Variants in IQCE observed in about 807,000 individuals in gnomAD.
IQCE encodes IQ domain-containing protein E.
Under a neutral mutation model 96.0 loss-of-function variants are expected in IQCE, and 115 were observed. The ratio of observed to expected loss-of-function variants is 1.20; its 90% CI spans 1.03 to 1.40. The LOEUF (loss-of-function observed/expected upper bound fraction) is 1.40. Ranked by LOEUF, IQCE falls within the 40% of genes most tolerant of loss-of-function variation. The probability of loss-of-function intolerance (pLI) is 0.00; values close to 1 mark genes in which losing one functional copy is unlikely to be tolerated. For missense variants in IQCE, 1,041 were observed against 909.1 expected, an observed-to-expected ratio of 1.15 and a Z score of -1.87; for synonymous variants, 412 against 371.2, an observed-to-expected ratio of 1.11 and a Z score of -1.26.
At position 2,607,187 on chromosome 7, in the gene IQCE, C is replaced by G; in HGVS notation, c.1929C>G (p.His643Gln). 1 of 1,613,618 alleles carries G rather than the reference C, an allele frequency of 6.2e-7. No individual in the cohort carries two copies. Among genetic ancestry groups the G allele is most frequent in the Non-Finnish European group, 8.5e-7 (1 of 1,179,788 alleles). Reference sequence around the variant, plus strand: ...GGAGGAGATCGGCTTCAGCCACACACGGGGACGCCTCCTCCCCACCCTTCC... The same window carrying G: ...GGAGGAGATCGGCTTCAGCCACACAGGGGGACGCCTCCTCCCCACCCTTCC... ...STRRRSASAT[H>Q]GDASSPPFLA... The change falls in exon 21 of 22, where the codon CAC (histidine) becomes CAG (glutamine). Residue 643 changes from histidine (H) to glutamine (Q), a missense_variant. By Grantham distance (24) the His-to-Gln change is conservative. Coordinates refer to ENST00000402050, the MANE Select transcript of IQCE (RefSeq NM_152558.5).
At chr7:2,574,376 C>G (rs927477405) in intron 6 of IQCE, among the ~76,000 whole-genome samples, 1 of 152,214 alleles carries the variant, frequency 6.6e-6, no homozygotes, top group African/African-American at 2.4e-5. Flanking sequence ...TGGTGTAGAC[C>G]ATTATACAAA....
At chr7:2,574,871 C>T (rs1001875960) in intron 6 of IQCE, among the ~76,000 whole-genome samples, 7 of 152,098 alleles carry the variant, frequency 4.6e-5, no homozygotes, top group South Asian at 2.1e-4. Flanking sequence ...CAGTTGAGCC[C>T]GTTGTTTGTT....
chr7:2,590,105 G>T lies in IQCE; in HGVS notation c.1243G>T (p.Asp415Tyr). Residue 415 changes from aspartate (D) to tyrosine (Y), a missense_variant and splice_region_variant, in exon 14 of 22, where the codon GAT becomes TAT. Transcript: ENST00000402050. ...GCTGCAGGAGCAGCTGCTGCAGAGA[G>T]AGTAGGTCCTCCCAAGGCCCCGCCA... ...TALQEQLLQR[D>Y]LEVKQLLQAK... 6.2e-7 allele frequency: 1 copy of T among 1,610,112 alleles called. No individual in the cohort carries two copies. Among genetic ancestry groups the T allele is most frequent in the African/African-American group, 1.3e-5 (1 of 74,970 alleles).
Position 2,610,053 on chromosome 7 carries a change from C to A in IQCE, c.1979C>A (p.Pro660His). The change falls in exon 22 of 22, where the codon CCC becomes CAC. Residue 660 changes from proline to histidine, a missense_variant. By Grantham distance (77) the Pro-to-His change is moderately conservative. Transcript: ENST00000402050. ...PFLAALPDPS[P>H]SGPQALAPLP... ...TGGTTCATTTCTGCAGACCCCTCTC[C>A]CTCAGGGCCACAGGCCTTGGCACCT... 6.3e-7 allele frequency: 1 copy of A among 1,592,330 alleles called. No homozygotes were observed. The highest frequency in any genetic ancestry group is 8.6e-7 in the Non-Finnish European group (1 of 1,160,230).
chr7:2,609,798 G>A (rs976983870), intron 21 of IQCE, among the ~76,000 whole-genome samples: 1 of 151,838 alleles, frequency 6.6e-6, no homozygotes, highest in Non-Finnish European at 1.5e-5. Flanking sequence ...AGGTGTGTAA[G>A]TTGGTCCTGA....
intron 5 of IQCE, chr7:2,572,856 C>T (rs1375550238): frequency 2.5e-6 from 1 of 405,530 alleles, no homozygotes; most frequent in East Asian, 7.1e-5. Context: ...TCTCTTTATC[C>T]ACGTGTTTCC....
chr7:2,560,630 A>G (rs1028096489), intron 1 of IQCE, among the ~76,000 whole-genome samples: 6 of 152,114 alleles, frequency 3.9e-5, no homozygotes, highest in Non-Finnish European at 7.4e-5. Context: ...AAAATAATTT[A>G]TGTATATTAT....
intron 8 of IQCE, among the ~76,000 whole-genome samples, chr7:2,581,365 C>T (rs1229706481): frequency 6.6e-6 from 1 of 151,904 alleles, no homozygotes; most frequent in Admixed American, 6.6e-5. Context: ...ACCACCATGC[C>T]CGGCTACTTT....
In IQCE at chr7:2,559,097, G is replaced by A; in HGVS notation, c.-85G>A. 4.9e-6 allele frequency: 4 copies of A among 822,572 alleles called. No homozygotes were observed. Among genetic ancestry groups the A allele is most frequent in the Non-Finnish European group, 6.4e-6 (4 of 624,078 alleles). 51.0% of individuals were successfully genotyped at this position (822,572 alleles called of 1,614,324 possible). On this transcript the variant is annotated 5_prime_UTR_variant, in exon 1 of 22. Coordinates refer to ENST00000402050, the MANE Select transcript of IQCE (RefSeq NM_152558.5). Reference sequence around the variant, plus strand: ...CGGCGCCAGGGAAGGCCCCGAGGCTGCGGGCGGCCAGGGCTGCCCGCGGAT... The same window carrying A: ...CGGCGCCAGGGAAGGCCCCGAGGCTACGGGCGGCCAGGGCTGCCCGCGGAT...
intron 16 of IQCE, chr7:2,597,171 G>A (rs748163980): frequency 1.9e-5 from 9 of 464,986 alleles, no homozygotes; most frequent in African/African-American, 1.4e-4. Context: ...CGGGCTGGAA[G>A]CTTGAAGAAT....
chr7:2,601,597 T>C lies in IQCE; in HGVS notation c.1632+133T>C, dbSNP rs557226244. ...TGGAATCTCGCTCTGTGGCCCAGCC[T>C]GGAGTGCAGTGGTGCAATCTTGGCT... On this transcript the variant is annotated intron_variant, in intron 18 of 21. Coordinates refer to ENST00000402050, the MANE Select transcript of IQCE (RefSeq NM_152558.5). 7.4e-3 allele frequency: 5,449 copies of C among 735,268 alleles called. 29 individuals are homozygous for C. Among genetic ancestry groups the C allele is most frequent in the Non-Finnish European group, 9.5e-3 (3,918 of 410,444 alleles). The allele number at this position is 735,268 out of a possible 1,614,324, so 45.5% of individuals were successfully genotyped here.
At chr7:2,599,443 A>G (rs1051049019) in intron 17 of IQCE, among the ~76,000 whole-genome samples, 6 of 152,002 alleles carry the variant, frequency 3.9e-5, no homozygotes, top group Non-Finnish European at 8.8e-5. Flanking sequence ...TGATCCACCC[A>G]TCTTGGCTTC....
Position 2,586,299 on chromosome 7 carries a change from G to A in IQCE, c.916G>A (p.Glu306Lys), listed in dbSNP as rs560190603. Residue 306 changes from glutamate to lysine, a missense_variant, in exon 12 of 22, where the codon GAA becomes AAA. By Grantham distance (56) the Glu-to-Lys change is moderately conservative. Coordinates refer to ENST00000402050, the MANE Select transcript of IQCE (RefSeq NM_152558.5). ...GTCCCGGAGTGTCCAGGAGCTCACGGAAGAGAACCAGAGCCTGAAGGAGGA... is the reference window on the plus strand; with the variant it reads ...GTCCCGGAGTGTCCAGGAGCTCACGAAAGAGAACCAGAGCCTGAAGGAGGA... Reference protein sequence around the residue: ...SLSRSVQELTEENQSLKEDLD... With the variant: ...SLSRSVQELTKENQSLKEDLD... 1 of 1,614,064 alleles carries A rather than the reference G, an allele frequency of 6.2e-7. No individual in the cohort carries two copies. The highest frequency in any genetic ancestry group is 1.7e-4 in the Middle Eastern group (1 of 6,042).
At chr7:2,565,912 C>T (rs1481129460) in intron 1 of IQCE, among the ~76,000 whole-genome samples, 1 of 152,188 alleles carries the variant, frequency 6.6e-6, no homozygotes, top group Non-Finnish European at 1.5e-5. Context: ...TGTGTCCTGG[C>T]CTGTCTAGTT....
intron 14 of IQCE, among the ~76,000 whole-genome samples, 188 bp downstream of exon 14, chr7:2,590,294 C>T (rs564547181): frequency 6.6e-6 from 1 of 152,360 alleles, no homozygotes; most frequent in Admixed American, 6.5e-5. Flanking sequence ...CCCCAGGCCC[C>T]ACCAGCAGCC....
chr7:2,609,998 TGAGGTCAGC>T (rs1562689939), intron 21 of IQCE, 37 bp from the exon 22 acceptor site: 5 of 1,076,976 alleles, frequency 4.6e-6, no homozygotes, highest in East Asian at 2.4e-5. Flanking sequence ...TGGCAGCCCC[TGAGGTCAGC>T]GTGGCTGACC....
At chr7:2,604,711 TG>T (rs1199265824) in intron 18 of IQCE, among the ~76,000 whole-genome samples, 169 bp from the exon 19 acceptor site, 1 of 152,124 alleles carries the variant, frequency 6.6e-6, no homozygotes, top group Non-Finnish European at 1.5e-5. Context: ...TCTCCCAGAC[TG>T]GGGTGAGTGG....
chr7:2,588,670 T>G (rs1326731797), intron 13 of IQCE, among the ~76,000 whole-genome samples: 1 of 134,836 alleles, frequency 7.4e-6, no homozygotes, highest in South Asian at 2.6e-4. Flanking sequence ...TTTTTTTTTT[T>G]TTTTTTTTTT....
In IQCE at chr7:2,598,440, C is replaced by T. The variant is rs373983983; in HGVS notation, c.1441-25C>T. 2.6e-5 allele frequency: 41 copies of T among 1,552,524 alleles called. 1 individual carries two copies. Among genetic ancestry groups the T allele is most frequent in the Non-Finnish European group, 7.8e-6 (9 of 1,148,918 alleles). ...TTGTCCCTGCCCTGGCTTCATTGTCCTCTTACTCCTTCAATTTCCTGCAGG... is the reference window on the plus strand; with the variant it reads ...TTGTCCCTGCCCTGGCTTCATTGTCTTCTTACTCCTTCAATTTCCTGCAGG... On this transcript the variant is annotated intron_variant, in intron 16 of 21. Coordinates refer to ENST00000402050, the MANE Select transcript of IQCE (RefSeq NM_152558.5).
Sources: gnomAD v4.1 joint callset for allele counts (sites outside exome capture counted in the v4.1 genomes callset) on GRCh38, gnomAD v4.1.1 for gene constraint, MANE v1.5 for transcripts, NCBI Gene and HGNC (gene_info 2026-07-23, HGNC 2026-07-21) for gene names.